CRACD: variants seen among roughly 807,000 people sequenced by gnomAD.
CRACD encodes capping protein-inhibiting regulator of actin dynamics.
A neutral mutation model predicts 106.8 loss-of-function variants in CRACD; 56 were observed. The ratio of observed to expected loss-of-function variants is 0.52; its 90% CI spans 0.42 to 0.66. CRACD has a LOEUF of 0.66. CRACD is among the 30% of genes least tolerant of loss of function. The pLI, the probability that CRACD is intolerant of heterozygous loss-of-function variation, is 0.00. For synonymous variants in CRACD, 754 were observed against 670.8 expected (o/e 1.12, Z -1.92); for missense variants, 1,730 against 1,623.2 (o/e 1.07, Z -1.13).
chr4:56,272,291 T>C (rs1164997822), intron 2 of CRACD, 30 bp from the exon 3 acceptor site: 1 of 153,592 alleles, frequency 6.5e-6, no homozygotes, highest in Non-Finnish European at 1.5e-5. Context: ...CCTGCCACAC[T>C]GCAGCATGTG....
chr4:56,072,020 C>T (rs1304869548), intron 1 of CRACD, among the ~76,000 whole-genome samples: 10 of 149,798 alleles, frequency 6.7e-5, no homozygotes, highest in East Asian at 4.0e-4. Flanking sequence ...CCCAGCTACG[C>T]GGGAGGCTGA....
intron 2 of CRACD, among the ~76,000 whole-genome samples, chr4:56,203,318 A>G (rs1202232378): frequency 6.6e-5 from 10 of 152,332 alleles, no homozygotes; most frequent in Middle Eastern, 3.4e-3. Context: ...GCTATTTTGT[A>G]CCTGGAGAGT....
intron 3 of CRACD, among the ~76,000 whole-genome samples, 152 bp downstream of exon 3, chr4:56,272,644 G>T (rs1343220949): frequency 6.6e-6 from 1 of 152,070 alleles, no homozygotes; most frequent in Admixed American, 6.5e-5. Flanking sequence ...TAATCCCAAC[G>T]CTTTGGGAGG....
chr4:56,203,987 C>T (rs1738005610), intron 2 of CRACD, among the ~76,000 whole-genome samples: 1 of 152,210 alleles, frequency 6.6e-6, no homozygotes, highest in Non-Finnish European at 1.5e-5. Context: ...GCCCCCTGGG[C>T]CCATGACTTG....
At chr4:56,211,184 C>T (rs1738384369) in intron 2 of CRACD, among the ~76,000 whole-genome samples, 1 of 152,218 alleles carries the variant, frequency 6.6e-6, no homozygotes, top group African/African-American at 2.4e-5. Flanking sequence ...GCAATTACTG[C>T]TTCCAGGGCC....
chr4:56,152,476 A>G (rs1414090591), intron 1 of CRACD, among the ~76,000 whole-genome samples: 2 of 152,038 alleles, frequency 1.3e-5, no homozygotes, highest in African/African-American at 2.4e-5. Flanking sequence ...TCTACAAAAA[A>G]AGAAAAAAAA....
chr4:56,114,751 G>T (rs1168153025), intron 1 of CRACD, among the ~76,000 whole-genome samples: 2 of 151,960 alleles, frequency 1.3e-5, no homozygotes, highest in Admixed American at 6.6e-5. Flanking sequence ...ATTTGGTTAG[G>T]ACTTGTATTT....
chr4:56,167,424 AT>A (rs202201953), intron 1 of CRACD, among the ~76,000 whole-genome samples: 1 of 152,220 alleles, frequency 6.6e-6, no homozygotes, highest in East Asian at 1.9e-4. Context: ...ATGTGGCATG[AT>A]TGAATCAAGC....
intron 1 of CRACD, among the ~76,000 whole-genome samples, chr4:56,151,115 G>A (rs754406127): frequency 6.6e-6 from 1 of 152,168 alleles, no homozygotes; most frequent in Non-Finnish European, 1.5e-5. Context: ...TCCTGCCTCA[G>A]CCTCCCGAGT....
intron 1 of CRACD, among the ~76,000 whole-genome samples, chr4:56,142,629 C>A (rs142302761): frequency 6.6e-6 from 1 of 152,124 alleles, no homozygotes; most frequent in Non-Finnish European, 1.5e-5. Context: ...AAAGTCACTT[C>A]TTTCAGCTAT....
intron 1 of CRACD, among the ~76,000 whole-genome samples, chr4:56,132,205 T>A (rs1465623354): frequency 6.6e-6 from 1 of 152,078 alleles, no homozygotes; most frequent in Non-Finnish European, 1.5e-5. Context: ...CTGGCTAATT[T>A]TTTTTGGTAT....
chr4:56,230,084 A>T (rs762683941), intron 2 of CRACD, among the ~76,000 whole-genome samples: 4 of 152,200 alleles, frequency 2.6e-5, no homozygotes, highest in Non-Finnish European at 5.9e-5. Context: ...AAAATAGTTC[A>T]TATCTCTCCC....
intron 6 of CRACD, chr4:56,311,020 T>C: frequency 2.8e-6 from 1 of 360,964 alleles, no homozygotes; most frequent in Admixed American, 4.4e-5. Context: ...GATCATGTAC[T>C]TCAAGATCCT....
chr4:56,315,092 A>G lies in CRACD; in HGVS notation c.1590A>G (p.Arg530=), dbSNP rs1163040598. 1.2e-6 allele frequency: 2 copies of G among 1,611,144 alleles called. No homozygotes were observed. Among genetic ancestry groups the G allele is most frequent in the Admixed American group, 1.7e-5 (1 of 59,670 alleles). ...EELRWQEVDE[R]QTMPRPYTFQ... ...TGCGGTGGCAGGAGGTGGACGAGAGACAGACCATGCCCCGGCCCTACACGT... is the reference window on the plus strand; with the variant it reads ...TGCGGTGGCAGGAGGTGGACGAGAGGCAGACCATGCCCCGGCCCTACACGT... Residue 530 remains arginine (R), a synonymous_variant, in exon 8 of 11, where the codon AGA becomes AGG. Transcript: ENST00000682029. This position sits in a 1 kb window ranked among gnomAD's most constrained non-coding sequence, Gnocchi z 4.1.
chr4:56,121,356 G>A (rs1028604782), intron 1 of CRACD, among the ~76,000 whole-genome samples: 15 of 152,308 alleles, frequency 9.8e-5, no homozygotes, highest in African/African-American at 3.6e-4. Flanking sequence ...TGGCAGGAAT[G>A]AAGTAACTGA....
At chr4:56,089,993 A>G (rs1264588391) in intron 1 of CRACD, among the ~76,000 whole-genome samples, 2 of 152,172 alleles carry the variant, frequency 1.3e-5, no homozygotes, top group Admixed American at 6.5e-5. Context: ...TTCATTTTAA[A>G]ATAGTTTCAT....
chr4:56,166,864 C>T (rs540666276), intron 1 of CRACD, among the ~76,000 whole-genome samples: 7 of 152,126 alleles, frequency 4.6e-5, no homozygotes, highest in Admixed American at 2.6e-4. Context: ...GGGCCTTCAG[C>T]TACAGTTTTC....
rs1357878497 is a variant in CRACD, at chr4:56,057,815, T to G, written c.-336+8516T>G. On this transcript the variant is annotated intron_variant, in intron 1 of 10. Coordinates refer to ENST00000682029, the MANE Select transcript of CRACD (RefSeq NM_001393381.1). ...ATTTTTTGTATTTTTTTTTTTTTTGTTTTTTTTTTTTTTTTTTTTTTGAGA... is the reference window on the plus strand; with the variant it reads ...ATTTTTTGTATTTTTTTTTTTTTTGGTTTTTTTTTTTTTTTTTTTTTGAGA... 8.7e-5 allele frequency among the ~76,000 whole-genome samples: 4 copies of G among 45,984 alleles called. 1 individual carries two copies. The highest frequency in any genetic ancestry group is 6.6e-4 in the African/African-American group (3 of 4,576). 30.2% of individuals were successfully genotyped at this position (45,984 alleles called of 152,430 possible). A position where few individuals can be genotyped will look rare whatever the true frequency, so the allele number is the denominator to read the frequency against.
At chr4:56,111,449 G>C (rs137858709) in intron 1 of CRACD, among the ~76,000 whole-genome samples, 5 of 152,166 alleles carry the variant, frequency 3.3e-5, no homozygotes, top group African/African-American at 1.2e-4. Flanking sequence ...ATACGACTTT[G>C]GTGTTAAGGA....
Sources: gnomAD v4.1 joint callset for allele counts (sites outside exome capture counted in the v4.1 genomes callset) on GRCh38, gnomAD v4.1.1 for gene constraint, Gnocchi (gnomAD v3.1) non-coding constraint, MANE v1.5 for transcripts, NCBI Gene and HGNC (gene_info 2026-07-23, HGNC 2026-07-21) for gene names.